SLC25A53: variants seen among roughly 807,000 people sequenced by gnomAD.
SLC25A53 encodes the protein mitochondrial carrier triple repeat protein 6.
Under a neutral mutation model 15.0 loss-of-function variants are expected in SLC25A53, and 5 were observed. The observed-to-expected ratio is 0.33, with a 90% CI of 0.17 to 0.70. The LOEUF is 0.70. Ranked by LOEUF, SLC25A53 falls within the 30% of genes least tolerant of loss-of-function variation. SLC25A53 has a pLI of 0.67. For synonymous variants in SLC25A53, 95 were observed against 100.0 expected, an observed-to-expected ratio of 0.95 and a Z score of 0.30; for missense variants, 216 against 241.6, an observed-to-expected ratio of 0.89 and a Z score of 0.70.
At chrX:104,153,530 C>T (rs1318933214) in intron 1 of SLC25A53, among the ~76,000 whole-genome samples, 2 of 111,684 alleles carry the variant, frequency 1.8e-5, no homozygotes, top group African/African-American at 6.5e-5. Flanking sequence ...TTATACTAAT[C>T]TTTGTCTGTC....
intron 1 of SLC25A53, among the ~76,000 whole-genome samples, chrX:104,155,736 C>T (rs911581440): frequency 1.8e-5 from 2 of 111,001 alleles, no homozygotes; most frequent in Non-Finnish European, 3.8e-5. Context: ...GGCAAATGCT[C>T]TTACCAGAAA....
At chrX:104,134,660 G>A (rs782399941) in intron 1 of SLC25A53, among the ~76,000 whole-genome samples, 1 of 111,527 alleles carries the variant, frequency 9.0e-6, no homozygotes, top group Non-Finnish European at 1.9e-5. Context: ...TTAGAACAGT[G>A]CTCAATGAGT....
At chrX:104,145,705 C>A (rs2075464353) in intron 1 of SLC25A53, among the ~76,000 whole-genome samples, 1 of 112,344 alleles carries the variant, frequency 8.9e-6, no homozygotes, top group South Asian at 3.7e-4. Context: ...ACTAGAAAAT[C>A]TAGAAGAAAT....
At chrX:104,122,705 T>G (rs1382759971) in intron 1 of SLC25A53, among the ~76,000 whole-genome samples, 3 of 111,959 alleles carry the variant, frequency 2.7e-5, no homozygotes, top group Non-Finnish European at 3.8e-5. Flanking sequence ...CTGTACCAAC[T>G]AAGCCATGTT....
At chrX:104,156,665 C>T (rs1378033375) in intron 1 of SLC25A53, among the ~76,000 whole-genome samples, 1 of 110,000 alleles carries the variant, frequency 9.1e-6, no homozygotes, top group African/African-American at 3.3e-5. Flanking sequence ...GGGATTCACA[C>T]ATCTCAGTGT....
chrX:104,134,060 A>G lies in SLC25A53; in HGVS notation c.-32+22818T>C, dbSNP rs1272831068. On this transcript the variant is annotated intron_variant, in intron 1 of 1. Transcript: ENST00000594199. ...ACTATGATTGGAAGCTCTCATGAGC[A>G]CTGAATGGCTAGACAGGAGAGGAGC... Among the ~76,000 whole-genome samples, 3 of 112,229 alleles carry G rather than the reference A, an allele frequency of 2.7e-5. No individual in the cohort carries two copies. The East Asian group carries it at 8.4e-4, about 31-fold the overall frequency.
intron 1 of SLC25A53, among the ~76,000 whole-genome samples, chrX:104,141,035 G>A (rs1157456996): frequency 8.9e-6 from 1 of 111,967 alleles, no homozygotes; most frequent in Non-Finnish European, 1.9e-5. Flanking sequence ...GGCAGAGTAA[G>A]AACCTCCAAA....
At chrX:104,137,588 A>G (rs1383483832) in intron 1 of SLC25A53, among the ~76,000 whole-genome samples, 1 of 111,538 alleles carries the variant, frequency 9.0e-6, no homozygotes, top group East Asian at 2.8e-4. Context: ...ACATACTCTG[A>G]GTTCCCTGAA....
intron 1 of SLC25A53, among the ~76,000 whole-genome samples, chrX:104,137,196 T>TA (rs2075438704): frequency 1.8e-5 from 2 of 111,038 alleles, no homozygotes; most frequent in African/African-American, 6.6e-5. Context: ...ATGCAATAGT[T>TA]AAAAACAAGC....
chrX:104,136,225 T>A (rs781958734), intron 1 of SLC25A53, among the ~76,000 whole-genome samples: 2 of 111,413 alleles, frequency 1.8e-5, no homozygotes, highest in South Asian at 7.5e-4. Context: ...TGTATATATG[T>A]CTGACATAGT....
At chrX:104,105,356 T>A in intron 1 of SLC25A53, 68 bp from the exon 2 acceptor site, 1 of 755,525 alleles carries the variant, frequency 1.3e-6, no homozygotes, top group Non-Finnish European at 1.9e-6. Context: ...TTTCATTGCT[T>A]AATTAGAAAT....
At chrX:104,124,783 T>C (rs146268570) in intron 1 of SLC25A53, among the ~76,000 whole-genome samples, 2,020 of 107,919 alleles carry the variant, frequency 0.019, 59 homozygotes, top group African/African-American at 0.066. Flanking sequence ...TTTAAAAATG[T>C]ATTGTAACAT....
intron 1 of SLC25A53, among the ~76,000 whole-genome samples, chrX:104,154,824 T>C (rs782751132): frequency 8.9e-6 from 1 of 111,921 alleles, no homozygotes; most frequent in Non-Finnish European, 1.9e-5. Context: ...AAATTTCATA[T>C]TCCAAAAGAG....
rs782512692 is a variant in SLC25A53 at position 104,133,584 on chromosome X, A to G, written c.-32+23294T>C. ...TCCCTGCTTCTGGTTACTATTTACT[A>G]TGACCCCCAGCACACACAGAAACCC... On this transcript the variant is annotated intron_variant, in intron 1 of 1. Coordinates refer to ENST00000594199, the MANE Select transcript of SLC25A53 (RefSeq NM_001012755.5). Among the ~76,000 whole-genome samples the G allele has an allele frequency of 1.1e-4, 12 of 111,609 alleles. No individual in the cohort carries two copies. The East Asian group carries it at 1.7e-3, about 16-fold the overall frequency.
chrX:104,129,860 A>ATGTGTGTGTGTGTGTGTGTG (rs60729916), intron 1 of SLC25A53, among the ~76,000 whole-genome samples: 1 of 89,996 alleles, frequency 1.1e-5, no homozygotes, highest in Non-Finnish European at 2.2e-5. Context: ...ACACAAATGT[A>ATGTGTGTGTGTGTGTGTGTG]TGTGTGTGTG....
At chrX:104,114,268 G>A in intron 1 of SLC25A53, 1 of 1,210,207 alleles carries the variant, frequency 8.3e-7, no homozygotes, top group Non-Finnish European at 1.1e-6. Flanking sequence ...AGGAAGAGTG[G>A]TGCCAGCCCA....
rs1556352883 is a variant in SLC25A53 at position 104,102,152 on chromosome X, C to T, written c.*2182G>A. Reference sequence around the variant, plus strand: ...TGGCAAATGCTCTCTGACATCATACCTCCAACAACCATGTCTTTAATTTCT... The same window carrying T: ...TGGCAAATGCTCTCTGACATCATACTTCCAACAACCATGTCTTTAATTTCT... On this transcript the variant is annotated 3_prime_UTR_variant, in exon 2 of 2. Transcript: ENST00000594199. The T allele has an allele frequency of 8.9e-6, 1 of 112,180 alleles. No individual in the cohort carries two copies. 9.2% of individuals were successfully genotyped at this position (112,180 alleles called of 1,213,427 possible).
intron 1 of SLC25A53, chrX:104,130,936 C>A (rs1374463165): frequency 2.7e-5 from 3 of 111,697 alleles, no homozygotes; most frequent in Non-Finnish European, 5.6e-5. Context: ...GGGCTTAAAA[C>A]AATAATCATT....
At chrX:104,150,636 T>A (rs1556370179) in intron 1 of SLC25A53, among the ~76,000 whole-genome samples, 2 of 112,464 alleles carry the variant, frequency 1.8e-5, no homozygotes, top group African/African-American at 6.5e-5. Context: ...TGACCGGTGC[T>A]ACTTTACCAA....
Sources: allele counts gnomAD v4.1 joint callset (sites outside exome capture counted in the v4.1 genomes callset), GRCh38; gene constraint gnomAD v4.1.1; transcripts MANE v1.5; gene names NCBI Gene and HGNC (gene_info 2026-07-23, HGNC 2026-07-21).